Variants in TTN observed in about 807,000 individuals in gnomAD.
TTN encodes the protein connectin.
TTN carries 1,525 observed loss-of-function variants against 3,223.0 expected under a neutral mutation model. That is an observed-to-expected ratio of 0.47 (90% CI 0.45 to 0.49). TTN has a LOEUF of 0.49. Ranked by LOEUF, TTN falls within the 20% of genes least tolerant of loss-of-function variation. The pLI is 0.00. For missense variants in TTN, 40,786 were observed against 43,424.0 expected (o/e 0.94, Z 5.40); for synonymous variants, 14,094 against 15,161.0 (o/e 0.93, Z 5.17).
Position 178,791,449 on chromosome 2 carries a change from C to T in TTN, c.1663-604G>A, listed in dbSNP as rs552725533. Among the ~76,000 whole-genome samples, 12 of 152,234 alleles carry T rather than the reference C, an allele frequency of 7.9e-5. No homozygotes were observed. In the East Asian group the frequency reaches 2.3e-3, roughly 29 times the overall value. On this transcript the variant is annotated intron_variant, in intron 10 of 362. Transcript: ENST00000589042. ...CTCCTGACACTTAAAGGTTTGATTT[C>T]ACATACGGGAGAGATGTGGATTTTA...
intron 258 of TTN, 27 bp from the exon 259 acceptor site, chr2:178,615,511 T>C (rs1378762113): frequency 8.1e-6 from 13 of 1,610,124 alleles, no homozygotes; most frequent in Non-Finnish European, 1.1e-5. Flanking sequence ...AGAGAGTCAG[T>C]CTTACACAGG....
chr2:178,744,839 T>C, intron 47 of TTN: 9 of 984,976 alleles, frequency 9.1e-6, no homozygotes, highest in Non-Finnish European at 1.1e-5. Flanking sequence ...TGGAGAAAAA[T>C]AAGGTATCTC....
At position 178,709,618 on chromosome 2, in the gene TTN, T is replaced by G. The variant is rs2076366428; in HGVS notation, c.28701A>C (p.Lys9567Asn). The G allele has an allele frequency of 3.1e-6, 5 of 1,613,904 alleles. No individual in the cohort carries two copies. In the African/African-American group the frequency reaches 6.7e-5, roughly 22 times the overall value. Residue 9567 changes from lysine (K) to asparagine (N), a missense_variant, in exon 99 of 363, where the codon AAA (lysine) becomes AAC (asparagine). Lys to Asn is a moderately conservative substitution (Grantham distance 94). Coordinates refer to ENST00000589042, the MANE Select transcript of TTN (RefSeq NM_001267550.2). ...GAGCAGAGCCTGCATCATTGGACACTTTGCATGTGTACAAACCAGCGTCGT... is the reference window on the plus strand; with the variant it reads ...GAGCAGAGCCTGCATCATTGGACACGTTGCATGTGTACAAACCAGCGTCGT... ...GMNDAGLYTC[K>N]VSNDAGSALC...
Position 178,537,056 on chromosome 2 carries a change from A to G in TTN, c.100053T>C (p.Cys33351=). 2 of 1,613,146 alleles carry G rather than the reference A, an allele frequency of 1.2e-6. No homozygotes were observed. The highest frequency in any genetic ancestry group is 1.1e-5 in the South Asian group (1 of 90,976). The change falls in exon 356 of 363, where the codon TGT becomes TGC. Residue 33351 remains cysteine, a synonymous_variant. Transcript: ENST00000589042. ...LVSSAISVTT[C]RIVNLTENAG... Reference sequence around the variant, plus strand: ...CATTTTCTGTGAGGTTCACAATTCTACAGGTTGTCACTGAGATGGCTGAAG... The same window carrying G: ...CATTTTCTGTGAGGTTCACAATTCTGCAGGTTGTCACTGAGATGGCTGAAG...
chr2:178,724,145 T>C lies in TTN; in HGVS notation c.21116-2A>G. 6.2e-7 allele frequency: 1 copy of C among 1,607,994 alleles called. No homozygotes were observed. The highest frequency in any genetic ancestry group is 8.5e-7 in the Non-Finnish European group (1 of 1,176,314). ...TGAAAGAGGGAGGAACTGCTCGGTCTGTGTGAGGAAAGGTAAGAGACTCAT... is the reference window on the plus strand; with the variant it reads ...TGAAAGAGGGAGGAACTGCTCGGTCCGTGTGAGGAAAGGTAAGAGACTCAT... On this transcript the variant is annotated splice_acceptor_variant, in intron 72 of 362. Coordinates refer to ENST00000589042, the MANE Select transcript of TTN (RefSeq NM_001267550.2). LOFTEE classifies it high-confidence loss of function.
At position 178,728,879 on chromosome 2, in the gene TTN, T is replaced by A. The variant is rs72648952; in HGVS notation, c.19147+12A>T. Reference sequence around the variant, plus strand: ...GCTATAGACTATCTTTGAAAGAGAATAGCTTACAAACCTTGTACTAAAAGG... The same window carrying A: ...GCTATAGACTATCTTTGAAAGAGAAAAGCTTACAAACCTTGTACTAAAAGG... On this transcript the variant is annotated intron_variant, in intron 65 of 362. Transcript: ENST00000589042. The A allele has an allele frequency of 3.8e-6, 6 of 1,582,210 alleles. No individual in the cohort carries two copies. The South Asian group carries it at 4.6e-5, about 12-fold the overall frequency.
chr2:178,701,930 T>G, intron 109 of TTN, 110 bp downstream of exon 109: 1 of 1,137,178 alleles, frequency 8.8e-7, no homozygotes, highest in Non-Finnish European at 1.3e-6. Context: ...TTGAAAAATA[T>G]TTTACCCAAA....
Position 178,630,358 on chromosome 2 carries a change from T to C in TTN, c.44164A>G (p.Ile14722Val). The change falls in exon 239 of 363, where the codon ATT becomes GTT. Residue 14722 changes from isoleucine (I) to valine (V), a missense_variant. Coordinates refer to ENST00000589042, the MANE Select transcript of TTN (RefSeq NM_001267550.2). ...GAGTGTATTTTGCCTTCTTCCTTAA[T>C]TTCACAATCCTGTACCAACAAAACA... is the stretch of plus-strand genomic sequence containing the variant. ...EALLQTPDCE[I>V]KEEGKIHSLV... is the part of the protein sequence containing the mutation. 6.2e-7 allele frequency: 1 copy of C among 1,609,788 alleles called. No homozygotes were observed. Among genetic ancestry groups the C allele is most frequent in the East Asian group, 2.2e-5 (1 of 44,606 alleles).
rs2093622398 is a variant in TTN at position 178,793,556 on chromosome 2, G to C, written c.1399-15C>G. ...TCCTTTCTTACCTGCTTTTCATAGA[G>C]AAAGGAAGAAAACACCTTAATGCAT... On this transcript the variant is annotated splice_polypyrimidine_tract_variant and intron_variant, in intron 8 of 362. Coordinates refer to ENST00000589042, the MANE Select transcript of TTN (RefSeq NM_001267550.2). The C allele has an allele frequency of 1.2e-6, 2 of 1,612,768 alleles. No individual in the cohort carries two copies. Among genetic ancestry groups the C allele is most frequent in the African/African-American group, 1.3e-5 (1 of 74,908 alleles).
At position 178,575,442 on chromosome 2, in the gene TTN, T is replaced by A; in HGVS notation, c.70690A>T (p.Ile23564Phe). Residue 23564 changes from isoleucine to phenylalanine, a missense_variant, in exon 326 of 363, where the codon ATC becomes TTC. Transcript: ENST00000589042. This position sits in a 1 kb window ranked among gnomAD's most constrained non-coding sequence, Gnocchi z 4.0. ...TGGGCTTCAATCACATAGCCAGTGATCTTGCTGCCACCATCGTGTTTGGGC... is the reference window on the plus strand; with the variant it reads ...TGGGCTTCAATCACATAGCCAGTGAACTTGCTGCCACCATCGTGTTTGGGC... ...PKPKHDGGSKITGYVIEAQRK... is the reference protein window; with the variant it reads ...PKPKHDGGSKFTGYVIEAQRK... 1 of 1,613,626 alleles carries A rather than the reference T, an allele frequency of 6.2e-7. No homozygotes were observed. The highest frequency in any genetic ancestry group is 8.5e-7 in the Non-Finnish European group (1 of 1,179,632).
intron 96 of TTN, 87 bp downstream of exon 96, chr2:178,711,857 T>C: frequency 6.8e-7 from 1 of 1,474,622 alleles, no homozygotes; most frequent in Non-Finnish European, 9.0e-7. Flanking sequence ...TTTGGAAAGA[T>C]TTTCCTAAAA....
chr2:178,724,646 GCT>G, intron 71 of TTN, 108 bp from the exon 72 acceptor site: 17 of 1,185,498 alleles, frequency 1.4e-5, no homozygotes, highest in Admixed American at 3.5e-5. Flanking sequence ...ATGTTAGGGT[GCT>G]CTCTCTCTCG....
In TTN at chr2:178,579,988, C is replaced by T; in HGVS notation, c.67299G>A (p.Glu22433=). Reference sequence around the variant, plus strand: ...TTTCACCGGGATCACCAATGCCATACTCATTTTCAGCAAACACTCGGAAGA... The same window carrying T: ...TTTCACCGGGATCACCAATGCCATATTCATTTTCAGCAAACACTCGGAAGA... ...SYFFRVFAEN[E]YGIGDPGETR... Residue 22433 remains glutamate (E), a synonymous_variant, in exon 318 of 363, where the codon GAG becomes GAA. Coordinates refer to ENST00000589042, the MANE Select transcript of TTN (RefSeq NM_001267550.2). 1 of 1,613,300 alleles carries T rather than the reference C, an allele frequency of 6.2e-7. No homozygotes were observed. The highest frequency in any genetic ancestry group is 8.5e-7 in the Non-Finnish European group (1 of 1,179,498).
chr2:178,618,557 T>A, intron 251 of TTN, 27 bp downstream of exon 251: 1 of 1,607,662 alleles, frequency 6.2e-7, no homozygotes, highest in Non-Finnish European at 8.5e-7. Flanking sequence ...GCTTTGCCAA[T>A]TAAGTCTGAG....
Position 178,592,449 on chromosome 2 carries a change from A to G in TTN, c.59556T>C (p.Gly19852=), listed in dbSNP as rs1355096136. The G allele has an allele frequency of 6.2e-7, 1 of 1,613,376 alleles. No individual in the cohort carries two copies. Among genetic ancestry groups the G allele is most frequent in the Non-Finnish European group, 8.5e-7 (1 of 1,179,594 alleles). ...TCTCCACTGTTAAAGAATAAATTCC[A>G]CCATCTTCATGGGCAGCATTACGAA... ...LEIRNAAHED[G]GIYSLTVENP... The change falls in exon 301 of 363, where the codon GGT becomes GGC. Residue 19852 remains glycine (G), a synonymous_variant. Coordinates refer to ENST00000589042, the MANE Select transcript of TTN (RefSeq NM_001267550.2).
rs1170057251 is a variant in TTN, at chr2:178,732,122, C to T, written c.16847G>A (p.Cys5616Tyr). 2 of 1,613,566 alleles carry T rather than the reference C, an allele frequency of 1.2e-6. No homozygotes were observed. The highest frequency in any genetic ancestry group is 1.3e-5 in the African/African-American group (1 of 74,914). Reference sequence around the variant, plus strand: ...ACTGCCAGCCTCATTTTGGGCCTCACACATATATTCACCACTGTCTTCGAT... The same window carrying T: ...ACTGCCAGCCTCATTTTGGGCCTCATACATATATTCACCACTGTCTTCGAT... ...VGIEDSGEYM[C>Y]EAQNEAGSDH... Residue 5616 changes from cysteine (C) to tyrosine (Y), a missense_variant, in exon 57 of 363, where the codon TGT (cysteine) becomes TAT (tyrosine). Coordinates refer to ENST00000589042, the MANE Select transcript of TTN (RefSeq NM_001267550.2).
In TTN at chr2:178,609,319, C is replaced by G. The variant is rs547986881; in HGVS notation, c.51991G>C (p.Glu17331Gln). The G allele has an allele frequency of 2.9e-4, 467 of 1,608,662 alleles. 7 individuals are homozygous for G. In the South Asian group the frequency reaches 4.9e-3, roughly 17 times the overall value. The stretch of plus-strand genomic sequence containing the variant: ...GAATCTCGGACGCGTAGCTGAGATT[C>G]TCCCTTTTTGCTGTTGTCAATACTC... ...RLSIDNSKKGESQLRVRDSLR... is the reference protein window; with the variant it reads ...RLSIDNSKKGQSQLRVRDSLR... Residue 17331 changes from glutamate (E) to glutamine (Q), a missense_variant, in exon 273 of 363, where the codon GAA becomes CAA. Physicochemically the swap from Glu to Gln is conservative, Grantham distance 29. Transcript: ENST00000589042.
intron 24 of TTN, 110 bp from the exon 25 acceptor site, chr2:178,778,085 C>T (rs2092420426): frequency 2.8e-6 from 4 of 1,419,752 alleles, no homozygotes; most frequent in African/African-American, 1.4e-5. Flanking sequence ...TTACTTCTTG[C>T]ACGTATTAGA....
chr2:178,714,231 A>C, intron 91 of TTN, 56 bp from the exon 92 acceptor site: 1 of 1,591,150 alleles, frequency 6.3e-7, no homozygotes. Context: ...AAAACTAAAG[A>C]AAATACAGAT....
Sources: gnomAD v4.1 joint callset for allele counts (sites outside exome capture counted in the v4.1 genomes callset) on GRCh38, gnomAD v4.1.1 for gene constraint, Gnocchi (gnomAD v3.1) non-coding constraint, MANE v1.5 for transcripts, NCBI Gene and HGNC (gene_info 2026-07-23, HGNC 2026-07-21) for gene names.